Variants in SGCD observed in about 807,000 individuals in gnomAD.
SGCD encodes delta-sarcoglycan.
Under a neutral mutation model 36.6 loss-of-function variants are expected in SGCD, and 18 were observed. The ratio of observed to expected loss-of-function variants is 0.49; its 90% CI spans 0.34 to 0.73. SGCD has a LOEUF of 0.73. SGCD is among the 30% of genes least tolerant of loss of function. The pLI, the probability that SGCD is intolerant of heterozygous loss-of-function variation, is 0.01. For synonymous variants in SGCD, 133 were observed against 130.6 expected (o/e 1.02, Z -0.12); for missense variants, 387 against 346.7 (o/e 1.12, Z -0.92).
chr5:156,269,037 CA>C, intron 3 of SGCD, among the ~76,000 whole-genome samples: 1 of 152,174 alleles, frequency 6.6e-6, no homozygotes, highest in East Asian at 1.9e-4. Flanking sequence ...CTAGGAAGAA[CA>C]AGAGATTTAA....
chr5:155,963,047 GA>G (rs1757823313), intron 1 of SGCD, among the ~76,000 whole-genome samples: 1 of 152,084 alleles, frequency 6.6e-6, no homozygotes, highest in South Asian at 2.1e-4. Context: ...ATTTGGCTCT[GA>G]ACTAAGTTGA....
chr5:156,060,565 T>C (rs1760178097), intron 1 of SGCD, among the ~76,000 whole-genome samples: 1 of 146,180 alleles, frequency 6.8e-6, no homozygotes, highest in South Asian at 2.2e-4. Flanking sequence ...AGACTGGTTA[T>C]AATGGGAATG....
intron 3 of SGCD, among the ~76,000 whole-genome samples, chr5:156,146,063 A>G (rs1581128510): frequency 6.6e-6 from 1 of 152,056 alleles, no homozygotes; most frequent in East Asian, 1.9e-4. Context: ...AATACAAAAA[A>G]TTAGCTGGGC....
At chr5:156,453,563 T>C (rs909272809) in intron 3 of SGCD, among the ~76,000 whole-genome samples, 1 of 152,304 alleles carries the variant, frequency 6.6e-6, no homozygotes, top group Non-Finnish European at 1.5e-5. Context: ...GGTTTTGCTC[T>C]CTGAGGGGAC....
At chr5:156,274,010 C>T (rs113031355) in intron 3 of SGCD, among the ~76,000 whole-genome samples, 7 of 152,174 alleles carry the variant, frequency 4.6e-5, no homozygotes, top group African/African-American at 1.7e-4. Context: ...CTCTGAGAGG[C>T]CACTGAAGCT....
At chr5:156,503,782 C>T (rs1756560988) in intron 3 of SGCD, among the ~76,000 whole-genome samples, 1 of 152,110 alleles carries the variant, frequency 6.6e-6, no homozygotes. Flanking sequence ...GCACTTAGTA[C>T]ATGAGGTATA....
the SGCD span, among the ~76,000 whole-genome samples, chr5:155,847,334 T>C: frequency 3.9e-5 from 6 of 152,210 alleles, no homozygotes; most frequent in Non-Finnish European, 8.8e-5. Flanking sequence ...CAAAATCACA[T>C]TGGGTAGCTA....
intron 1 of SGCD, among the ~76,000 whole-genome samples, chr5:156,108,165 C>G (rs760940359): frequency 6.6e-6 from 1 of 152,042 alleles, no homozygotes; most frequent in Non-Finnish European, 1.5e-5. Flanking sequence ...TGCCAGAAAA[C>G]CAGAGTAAAC....
chr5:155,979,806 C>T (rs186377285), intron 1 of SGCD, among the ~76,000 whole-genome samples: 28 of 152,300 alleles, frequency 1.8e-4, no homozygotes, highest in African/African-American at 6.3e-4. Flanking sequence ...CAGTGCCCAT[C>T]ACAGCACACA....
At chr5:156,700,760 C>G (rs1023472975) in intron 7 of SGCD, among the ~76,000 whole-genome samples, 1 of 151,862 alleles carries the variant, frequency 6.6e-6, no homozygotes, top group African/African-American at 2.4e-5. Flanking sequence ...CTTGAACAAC[C>G]TAGGGAGACT....
chr5:155,871,467 T>C (rs1344343281), intron 1 of SGCD, among the ~76,000 whole-genome samples: 1 of 152,030 alleles, frequency 6.6e-6, no homozygotes, highest in East Asian at 1.9e-4. Flanking sequence ...GTAAGATGAA[T>C]GGAAAGATGG....
At chr5:156,039,151 C>T (rs1759573503) in intron 1 of SGCD, among the ~76,000 whole-genome samples, 1 of 152,240 alleles carries the variant, frequency 6.6e-6, no homozygotes, top group South Asian at 2.1e-4. Context: ...CACTCCACCA[C>T]CTAGCCCTAA....
chr5:155,906,162 G>A (rs948169968), intron 1 of SGCD, among the ~76,000 whole-genome samples: 6 of 152,016 alleles, frequency 3.9e-5, no homozygotes, highest in East Asian at 1.9e-4. Flanking sequence ...AAGTGTTTTC[G>A]GGTACCATAA....
At chr5:156,058,566 C>T (rs1020688816) in intron 1 of SGCD, among the ~76,000 whole-genome samples, 1 of 145,484 alleles carries the variant, frequency 6.9e-6, no homozygotes. Context: ...AGGAGACATA[C>T]TGATCAATAG....
chr5:155,845,677 T>C, the SGCD span: 1 of 152,250 alleles, frequency 6.6e-6, no homozygotes, highest in African/African-American at 2.4e-5. Context: ...TTCACGGTTG[T>C]AACCACAGTG....
In SGCD at chr5:156,502,069, C is replaced by T. The variant is rs181060760; in HGVS notation, c.193-6532C>T. The stretch of plus-strand genomic sequence containing the variant: ...TTTTTTTTTTGTTTGGTTTTTGGGA[C>T]GGAGTCTTGCTCTGTTGCCCAGGCT... On this transcript the variant is annotated intron_variant, in intron 3 of 8. Coordinates refer to ENST00000337851, the MANE Select transcript of SGCD (RefSeq NM_000337.6). 2.0e-3 allele frequency among the ~76,000 whole-genome samples: 287 copies of T among 145,656 alleles called. 1 individual carries two copies. Among genetic ancestry groups the T allele is most frequent in the African/African-American group, 6.8e-3 (268 of 39,192 alleles).
intron 3 of SGCD, among the ~76,000 whole-genome samples, chr5:156,369,587 C>A (rs1770279617): frequency 1.3e-5 from 2 of 152,286 alleles, no homozygotes; most frequent in East Asian, 1.9e-4. Flanking sequence ...GCTTGCCACT[C>A]CCTATTGGAT....
At chr5:156,511,933 T>A (rs1209682081) in intron 4 of SGCD, among the ~76,000 whole-genome samples, 1 of 152,166 alleles carries the variant, frequency 6.6e-6, no homozygotes, top group African/African-American at 2.4e-5. Context: ...TGGTGGCTCA[T>A]GCCTGTAATC....
At chr5:156,089,910 A>T (rs981092969) in intron 1 of SGCD, among the ~76,000 whole-genome samples, 2 of 152,126 alleles carry the variant, frequency 1.3e-5, no homozygotes, top group African/African-American at 4.8e-5. Context: ...TTCCATAGGC[A>T]TCAGTTTTCC....
Sources: gnomAD v4.1 joint callset for allele counts (sites outside exome capture counted in the v4.1 genomes callset) on GRCh38, gnomAD v4.1.1 for gene constraint, MANE v1.5 for transcripts, NCBI Gene and HGNC (gene_info 2026-07-23, HGNC 2026-07-21) for gene names.